Variants in CDH4 observed in about 807,000 individuals in gnomAD.
CDH4 encodes the protein cadherin-4.
Under a neutral mutation model 86.0 loss-of-function variants are expected in CDH4, and 33 were observed. That is an observed-to-expected ratio of 0.38 (90% CI 0.29 to 0.51). The LOEUF is 0.51. CDH4 is among the 20% of genes least tolerant of loss of function. The pLI is 0.86. For synonymous variants in CDH4, 555 were observed against 549.4 expected, an observed-to-expected ratio of 1.01 and a Z score of -0.14; for missense variants, 1,114 against 1,307.4, an observed-to-expected ratio of 0.85 and a Z score of 2.28.
intron 2 of CDH4, among the ~76,000 whole-genome samples, chr20:61,433,192 T>C (rs1568842622): frequency 6.6e-6 from 1 of 152,178 alleles, no homozygotes; most frequent in African/African-American, 2.4e-5. Flanking sequence ...GTCAATGTTC[T>C]TCTGTTTTTT....
intron 6 of CDH4, among the ~76,000 whole-genome samples, chr20:61,864,918 C>G (rs1265480986): frequency 6.6e-6 from 1 of 152,148 alleles, no homozygotes; most frequent in East Asian, 1.9e-4. Context: ...GCCCTGTCAC[C>G]CCCCCGGGTC....
chr20:61,585,193 C>G (rs1455303322), intron 2 of CDH4, among the ~76,000 whole-genome samples: 2 of 152,248 alleles, frequency 1.3e-5, no homozygotes, highest in Non-Finnish European at 2.9e-5. Flanking sequence ...TAAAACGATC[C>G]TGCTGAAAAG....
chr20:61,457,280 G>A (rs937841936), intron 2 of CDH4, among the ~76,000 whole-genome samples: 7 of 152,130 alleles, frequency 4.6e-5, no homozygotes, highest in African/African-American at 9.7e-5. Flanking sequence ...CACCTCTACT[G>A]TCTCTGTCAC....
chr20:61,507,456 G>A (rs1217869956), intron 2 of CDH4, among the ~76,000 whole-genome samples: 1 of 152,118 alleles, frequency 6.6e-6, no homozygotes, highest in African/African-American at 2.4e-5. Flanking sequence ...CACGTGACCG[G>A]GCTGCTCTTC....
At chr20:61,627,644 C>T (rs1483799069) in intron 2 of CDH4, among the ~76,000 whole-genome samples, 1 of 152,118 alleles carries the variant, frequency 6.6e-6, no homozygotes, top group Non-Finnish European at 1.5e-5. Flanking sequence ...CAGGAAGGTC[C>T]TTTGTGTGCC....
Position 61,622,380 on chromosome 20 carries a change from G to A in CDH4, c.170-121183G>A, listed in dbSNP as rs2086785923. 2.0e-5 allele frequency among the ~76,000 whole-genome samples: 3 copies of A among 152,240 alleles called. No individual in the cohort carries two copies. The South Asian group carries it at 6.2e-4, about 32-fold the overall frequency. On this transcript the variant is annotated intron_variant, in intron 2 of 15. Transcript: ENST00000614565. ...CAGGTAGTTTGCTGAGAGTTAAGAG[G>A]TGTCAGTCTGTCAGGCATACCCCGG...
chr20:61,721,946 G>A (rs991920808), intron 2 of CDH4, among the ~76,000 whole-genome samples: 2 of 152,118 alleles, frequency 1.3e-5, no homozygotes, highest in African/African-American at 4.8e-5. Context: ...GAGAAATGGG[G>A]TGTGCTGGAG....
chr20:61,713,295 G>T (rs865899689), intron 2 of CDH4, among the ~76,000 whole-genome samples: 4 of 152,164 alleles, frequency 2.6e-5, no homozygotes, highest in Non-Finnish European at 4.4e-5. Flanking sequence ...TGAGCTTCAA[G>T]GTGCATGGGG....
intron 2 of CDH4, among the ~76,000 whole-genome samples, chr20:61,406,872 C>T (rs1420864564): frequency 1.5e-4 from 20 of 137,184 alleles, no homozygotes; most frequent in Admixed American, 2.2e-4. Flanking sequence ...CTGCTCTGCC[C>T]GGACCACCAT....
intron 2 of CDH4, among the ~76,000 whole-genome samples, chr20:61,278,520 A>G (rs1384611382): frequency 2.0e-5 from 3 of 152,226 alleles, no homozygotes; most frequent in East Asian, 1.9e-4. Flanking sequence ...ATCTGGCTGC[A>G]TGGTGCAGCT....
intron 2 of CDH4, among the ~76,000 whole-genome samples, chr20:61,280,402 G>A (rs966401757): frequency 6.6e-6 from 1 of 152,190 alleles, no homozygotes; most frequent in Non-Finnish European, 1.5e-5. Flanking sequence ...GGCGTGTGAC[G>A]CGTGTGAGGA....
At chr20:61,565,291 GGTGGTGGCGGTGCTCT>G (rs1285731159) in intron 2 of CDH4, among the ~76,000 whole-genome samples, 9 of 59,730 alleles carry the variant, frequency 1.5e-4, no homozygotes, top group Non-Finnish European at 2.3e-4. Context: ...ATGGGGTGAT[GGTGGTGGCGGTGCTCT>G]TGGTGGTGGC....
chr20:61,315,221 T>G (rs2084469821), intron 2 of CDH4, among the ~76,000 whole-genome samples: 1 of 152,094 alleles, frequency 6.6e-6, no homozygotes, highest in Non-Finnish European at 1.5e-5. Context: ...GCTTGTGATC[T>G]GGATGGGGTC....
At chr20:61,485,264 C>T (rs764328264) in intron 2 of CDH4, among the ~76,000 whole-genome samples, 1 of 152,164 alleles carries the variant, frequency 6.6e-6, no homozygotes, top group Non-Finnish European at 1.5e-5. Context: ...ACAGGGAGAC[C>T]TGCCCAACTT....
At position 61,867,135 on chromosome 20, in the gene CDH4, G is replaced by A. The variant is rs537858765; in HGVS notation, c.878-6593G>A. 3.3e-5 allele frequency among the ~76,000 whole-genome samples: 5 copies of A among 152,378 alleles called. No individual in the cohort carries two copies. In the South Asian group the frequency reaches 1.0e-3, roughly 32 times the overall value. On this transcript the variant is annotated intron_variant, in intron 6 of 15. Transcript: ENST00000614565. ...GCTGTTTCCAGAACACTCGCTCTGGGCGCATGCATGTTTGACTCTGAGCCT... is the reference window on the plus strand; with the variant it reads ...GCTGTTTCCAGAACACTCGCTCTGGACGCATGCATGTTTGACTCTGAGCCT...
At chr20:61,294,619 C>T (rs944169105) in intron 2 of CDH4, among the ~76,000 whole-genome samples, 4 of 152,240 alleles carry the variant, frequency 2.6e-5, no homozygotes, top group African/African-American at 9.7e-5. Flanking sequence ...CTGGACACTG[C>T]TCTTTCCCCA....
intron 3 of CDH4, among the ~76,000 whole-genome samples, chr20:61,753,550 G>A (rs779420717): frequency 1.3e-5 from 2 of 152,244 alleles, no homozygotes; most frequent in African/African-American, 2.4e-5. Flanking sequence ...ATTTCCCACC[G>A]GAGGGCTGAG....
chr20:61,340,516 A>G (rs528095329), intron 2 of CDH4, among the ~76,000 whole-genome samples: 1 of 152,290 alleles, frequency 6.6e-6, no homozygotes, highest in African/African-American at 2.4e-5. Flanking sequence ...GTTAAGCATC[A>G]TGACATAATT....
At chr20:61,764,393 T>G (rs994510283) in intron 3 of CDH4, among the ~76,000 whole-genome samples, 1 of 152,184 alleles carries the variant, frequency 6.6e-6, no homozygotes, top group Non-Finnish European at 1.5e-5. Flanking sequence ...AATTTATGTA[T>G]TCTTGAATGT....
Sources: gnomAD v4.1 joint callset for allele counts (sites outside exome capture counted in the v4.1 genomes callset) on GRCh38, gnomAD v4.1.1 for gene constraint, MANE v1.5 for transcripts, NCBI Gene and HGNC (gene_info 2026-07-23, HGNC 2026-07-21) for gene names.